Variants in SLC39A8 observed in about 807,000 individuals in gnomAD.
SLC39A8 encodes the protein solute carrier family 39 member 8, also known as metal cation symporter ZIP8.
SLC39A8 carries 15 observed loss-of-function variants against 40.4 expected under a neutral mutation model. The ratio of observed to expected loss-of-function variants is 0.37; its 90% CI spans 0.25 to 0.57. The LOEUF (loss-of-function observed/expected upper bound fraction) is 0.57, where lower values mean the gene tolerates loss of function less well. Among genes scored for constraint, SLC39A8 ranks in the 20% least tolerant of loss-of-function variants. The pLI is 0.75. For synonymous variants in SLC39A8, 223 were observed against 221.6 expected, an observed-to-expected ratio of 1.01 and a Z score of -0.06; for missense variants, 472 against 558.8, an observed-to-expected ratio of 0.84 and a Z score of 1.57.
At chr4:102,319,915 G>A (rs1010820801) in intron 2 of SLC39A8, among the ~76,000 whole-genome samples, 8 of 151,846 alleles carry the variant, frequency 5.3e-5, no homozygotes, top group African/African-American at 1.9e-4. Flanking sequence ...GGTCTGAACA[G>A]AACAAAAGGC....
At chr4:102,290,069 T>A (rs1370884097) in intron 6 of SLC39A8, among the ~76,000 whole-genome samples, 1 of 152,010 alleles carries the variant, frequency 6.6e-6, no homozygotes, top group African/African-American at 2.4e-5. Context: ...AACTTCATTG[T>A]TTTAAAATAC....
At chr4:102,276,925 A>G (rs13135092) in intron 6 of SLC39A8, among the ~76,000 whole-genome samples, 7,733 of 152,334 alleles carry the variant, frequency 0.051, 298 homozygotes, top group Non-Finnish European at 0.081. Context: ...AAGGCCTTCA[A>G]TAAAATTCAA....
chr4:102,302,163 G>A (rs1045576741), intron 6 of SLC39A8, among the ~76,000 whole-genome samples: 2 of 152,050 alleles, frequency 1.3e-5, no homozygotes, highest in African/African-American at 4.8e-5. Context: ...CTCTGTAGAA[G>A]TGTAGCCCTG....
chr4:102,331,046 T>A (rs1157009638), intron 2 of SLC39A8, among the ~76,000 whole-genome samples: 1 of 152,336 alleles, frequency 6.6e-6, no homozygotes, highest in Admixed American at 6.5e-5. Flanking sequence ...GAGCTGCTTA[T>A]GACAAGCCCA....
At chr4:102,264,211 A>G (rs1731991362) in intron 8 of SLC39A8, among the ~76,000 whole-genome samples, 1 of 152,216 alleles carries the variant, frequency 6.6e-6, no homozygotes, top group Non-Finnish European at 1.5e-5. Flanking sequence ...TATGATTTGT[A>G]AGTCAAAACT....
intron 6 of SLC39A8, among the ~76,000 whole-genome samples, chr4:102,294,416 G>A (rs1188967921): frequency 1.3e-5 from 2 of 151,736 alleles, no homozygotes; most frequent in Non-Finnish European, 2.9e-5. Context: ...TCTGACTCAG[G>A]GAAAAATCAA....
At chr4:102,283,918 G>A (rs542333012) in intron 6 of SLC39A8, among the ~76,000 whole-genome samples, 5 of 152,100 alleles carry the variant, frequency 3.3e-5, no homozygotes, top group Admixed American at 1.3e-4. Context: ...TTTCTCACTG[G>A]CTGTTTCCTC....
chr4:102,313,851 G>T (rs908388025), intron 3 of SLC39A8, among the ~76,000 whole-genome samples: 4 of 152,034 alleles, frequency 2.6e-5, no homozygotes, highest in African/African-American at 9.7e-5. Context: ...GCCTCCCAAA[G>T]TGCTGGGATT....
intron 3 of SLC39A8, among the ~76,000 whole-genome samples, chr4:102,309,526 G>A (rs756336787): frequency 2.5e-4 from 38 of 151,874 alleles, no homozygotes; most frequent in Non-Finnish European, 4.4e-4. Flanking sequence ...ACCTTTTATC[G>A]TGGTAGATCT....
At chr4:102,326,564 A>G (rs1467207735) in intron 2 of SLC39A8, among the ~76,000 whole-genome samples, 1 of 152,202 alleles carries the variant, frequency 6.6e-6, no homozygotes, top group Non-Finnish European at 1.5e-5. Context: ...CCGTCTCAAA[A>G]AAATAAAAAA....
chr4:102,330,266 AGATT>A (rs1735393655), intron 2 of SLC39A8, among the ~76,000 whole-genome samples: 1 of 152,226 alleles, frequency 6.6e-6, no homozygotes, highest in African/African-American at 2.4e-5. Flanking sequence ...CAAAATAGAT[AGATT>A]GTTAGCTAGA....
chr4:102,310,146 A>G (rs566118901), intron 3 of SLC39A8, among the ~76,000 whole-genome samples: 59 of 151,970 alleles, frequency 3.9e-4, no homozygotes, highest in Middle Eastern at 3.4e-3. Context: ...TGTTTTCCCA[A>G]CCGAGCTTTA....
chr4:102,260,089 G>T (rs1731805903), downstream of SLC39A8, among the ~76,000 whole-genome samples: 1 of 152,212 alleles, frequency 6.6e-6, no homozygotes. Context: ...AGGAAAGACT[G>T]CTCAGATGGG....
chr4:102,328,660 G>A (rs1169146274), intron 2 of SLC39A8, among the ~76,000 whole-genome samples: 1 of 152,166 alleles, frequency 6.6e-6, no homozygotes. Flanking sequence ...GCATAGCGGA[G>A]GCTTTCCAGG....
chr4:102,282,092 A>G (rs1732908754), intron 6 of SLC39A8, among the ~76,000 whole-genome samples: 1 of 152,194 alleles, frequency 6.6e-6, no homozygotes, highest in Non-Finnish European at 1.5e-5. Context: ...AAGGTTAGGT[A>G]AATTAACCAA....
intron 2 of SLC39A8, among the ~76,000 whole-genome samples, chr4:102,340,303 T>A (rs1262132644): frequency 3.3e-5 from 5 of 152,180 alleles, no homozygotes; most frequent in Middle Eastern, 3.2e-3. Context: ...AGCAGAAAAC[T>A]GTAATACATA....
intron 6 of SLC39A8, among the ~76,000 whole-genome samples, chr4:102,268,567 A>C (rs1732211212): frequency 6.6e-6 from 1 of 152,226 alleles, no homozygotes; most frequent in African/African-American, 2.4e-5. Flanking sequence ...GCAAGTTATC[A>C]CAGAGTTCCT....
intron 2 of SLC39A8, among the ~76,000 whole-genome samples, chr4:102,321,224 G>A (rs953643686): frequency 1.3e-5 from 2 of 152,166 alleles, no homozygotes; most frequent in Admixed American, 6.5e-5. Flanking sequence ...GTTCACATGA[G>A]GGAGAAATGA....
chr4:102,262,572 G>C lies in SLC39A8; in HGVS notation c.*472C>G, dbSNP rs1731912101. 1.0e-6 allele frequency: 1 copy of C among 984,864 alleles called. No individual in the cohort carries two copies. 61.0% of individuals were successfully genotyped at this position (984,864 alleles called of 1,614,324 possible). A position where few individuals can be genotyped will look rare whatever the true frequency, so the allele number is the denominator to read the frequency against. On this transcript the variant is annotated 3_prime_UTR_variant, in exon 9 of 9. Transcript: ENST00000356736. ...ACTTGGAATAATTTATATTAGTGTTGCATACATTTTACCTTCTACATTTTG... is the reference window on the plus strand; with the variant it reads ...ACTTGGAATAATTTATATTAGTGTTCCATACATTTTACCTTCTACATTTTG...
Sources: gnomAD v4.1 joint callset for allele counts (sites outside exome capture counted in the v4.1 genomes callset) on GRCh38, gnomAD v4.1.1 for gene constraint, MANE v1.5 for transcripts, NCBI Gene and HGNC (gene_info 2026-07-23, HGNC 2026-07-21) for gene names.